The following NOL4 variants were observed in gnomAD, a reference collection of about 807,000 sequenced individuals.
NOL4 encodes the protein cancer/testis antigen 125.
NOL4 carries 17 observed loss-of-function variants against 75.9 expected under a neutral mutation model. That is an observed-to-expected ratio of 0.22 (90% CI 0.15 to 0.34). The LOEUF (loss-of-function observed/expected upper bound fraction) is 0.34. Ranked by LOEUF, NOL4 falls within the 10% of genes least tolerant of loss-of-function variation. NOL4 has a pLI of 1.00. For missense variants in NOL4, 614 were observed against 793.5 expected (o/e 0.77, Z 2.72); for synonymous variants, 292 against 289.9 (o/e 1.01, Z -0.07).
intron 10 of NOL4, among the ~76,000 whole-genome samples, chr18:33,873,025 A>T (rs909865117): frequency 6.6e-6 from 1 of 151,936 alleles, no homozygotes; most frequent in African/African-American, 2.4e-5. Context: ...CTCAGGTTTC[A>T]TTGGACCTCC....
intron 1 of NOL4, among the ~76,000 whole-genome samples, chr18:34,136,569 A>G (rs2048325801): frequency 6.6e-6 from 1 of 152,124 alleles, no homozygotes; most frequent in African/African-American, 2.4e-5. Context: ...GGGAAAAATA[A>G]TTTCTTTTAT....
intron 10 of NOL4, among the ~76,000 whole-genome samples, chr18:33,859,117 A>G (rs937022582): frequency 6.6e-6 from 1 of 151,650 alleles, no homozygotes; most frequent in African/African-American, 2.4e-5. Flanking sequence ...TATTTAATCA[A>G]TTTTTTCACT....
At chr18:34,068,175 T>A (rs970843838) in intron 5 of NOL4, among the ~76,000 whole-genome samples, 5 of 152,158 alleles carry the variant, frequency 3.3e-5, no homozygotes, top group African/African-American at 4.8e-5. Flanking sequence ...GCAGACCTGC[T>A]ACAGAGGGAG....
chr18:33,900,901 T>G (rs2065709627), intron 9 of NOL4, among the ~76,000 whole-genome samples: 1 of 152,192 alleles, frequency 6.6e-6, no homozygotes. Context: ...TGTGTGTGTA[T>G]ATATCTGTTT....
intron 5 of NOL4, among the ~76,000 whole-genome samples, chr18:34,038,049 A>G (rs1244099229): frequency 6.6e-6 from 1 of 152,150 alleles, no homozygotes; most frequent in African/African-American, 2.4e-5. Context: ...CAACAATAAA[A>G]AAACAAATAA....
At chr18:33,915,831 C>T (rs1041830571) in intron 9 of NOL4, among the ~76,000 whole-genome samples, 1 of 152,090 alleles carries the variant, frequency 6.6e-6, no homozygotes, top group Non-Finnish European at 1.5e-5. Flanking sequence ...TCCTGGGAAC[C>T]AGGTAACAAA....
intron 10 of NOL4, among the ~76,000 whole-genome samples, chr18:33,868,957 C>T (rs1411657723): frequency 1.3e-5 from 2 of 151,844 alleles, no homozygotes; most frequent in African/African-American, 2.4e-5. Context: ...TTACAAATTT[C>T]TTAAGGTGCT....
intron 9 of NOL4, among the ~76,000 whole-genome samples, chr18:33,938,315 A>T (rs1349866349): frequency 1.3e-5 from 2 of 150,294 alleles, no homozygotes; most frequent in Non-Finnish European, 3.0e-5. Context: ...AGTTTAATTT[A>T]AAAAAATTAT....
chr18:33,990,567 G>T (rs750172312), intron 6 of NOL4, among the ~76,000 whole-genome samples: 1 of 151,328 alleles, frequency 6.6e-6, no homozygotes, highest in African/African-American at 2.4e-5. Flanking sequence ...TCTAGACATT[G>T]GGCTGCTATA....
At chr18:33,883,201 T>C (rs777173331) in intron 10 of NOL4, 43 bp downstream of exon 10, 7 of 1,456,800 alleles carry the variant, frequency 4.8e-6, no homozygotes, top group Non-Finnish European at 6.5e-6. Flanking sequence ...AAACTTAAAG[T>C]ATAATAATTA....
At chr18:33,902,166 A>T (rs576660232) in intron 9 of NOL4, among the ~76,000 whole-genome samples, 26 of 151,898 alleles carry the variant, frequency 1.7e-4, no homozygotes, top group South Asian at 8.3e-4. Context: ...TTTTTTTTTT[A>T]AAAGGGAATT....
rs368876491 is a variant in NOL4 at position 33,939,252 on chromosome 18, C to A, written c.1542+3813G>T. On this transcript the variant is annotated intron_variant, in intron 9 of 10. Coordinates refer to ENST00000261592, the MANE Select transcript of NOL4 (RefSeq NM_003787.5). ...TCCTTTTTGCTTAGGATTGTCTTAG[C>A]TATATGGGCTCTTTTTTGGTTCCAT... 7.9e-5 allele frequency among the ~76,000 whole-genome samples: 12 copies of A among 152,104 alleles called. No individual in the cohort carries two copies. In the East Asian group the frequency reaches 1.7e-3, roughly 22 times the overall value.
At chr18:34,143,081 G>T (rs1325389183) in intron 1 of NOL4, among the ~76,000 whole-genome samples, 4 of 148,834 alleles carry the variant, frequency 2.7e-5, no homozygotes, top group Non-Finnish European at 6.0e-5. Flanking sequence ...GAAGGGAGGG[G>T]AGGGAAGGGA....
intron 1 of NOL4, among the ~76,000 whole-genome samples, chr18:34,197,522 C>T (rs555363331): frequency 9.9e-5 from 15 of 151,970 alleles, no homozygotes; most frequent in Non-Finnish European, 1.3e-4. Flanking sequence ...AAAATTTAAA[C>T]TCTGCCTGTT....
intron 5 of NOL4, among the ~76,000 whole-genome samples, chr18:34,046,848 G>T (rs2076403188): frequency 1.3e-5 from 2 of 151,270 alleles, no homozygotes; most frequent in South Asian, 4.2e-4. Context: ...TTGTTCTCTG[G>T]GGAGGACAAA....
At chr18:33,856,720 T>A (rs2062854055) in intron 10 of NOL4, among the ~76,000 whole-genome samples, 1 of 152,094 alleles carries the variant, frequency 6.6e-6, no homozygotes. Flanking sequence ...GTAGTAAATA[T>A]TTTAGTCATC....
intron 1 of NOL4, among the ~76,000 whole-genome samples, chr18:34,212,596 TG>T (rs1166298159): frequency 1.3e-5 from 2 of 152,230 alleles, no homozygotes; most frequent in African/African-American, 4.8e-5. Flanking sequence ...CTGGGTCCTC[TG>T]CTCAGGTTCT....
At chr18:34,178,566 CAG>C (rs2146313983) in intron 1 of NOL4, among the ~76,000 whole-genome samples, 1 of 151,650 alleles carries the variant, frequency 6.6e-6, no homozygotes, top group African/African-American at 2.4e-5. Context: ...ATAAAAATAT[CAG>C]ATCAAATATA....
chr18:34,194,896 C>A (rs113067518), intron 1 of NOL4, among the ~76,000 whole-genome samples: 3 of 151,712 alleles, frequency 2.0e-5, no homozygotes, highest in Non-Finnish European at 4.4e-5. Flanking sequence ...TGGTAGTACA[C>A]GCCTGTAATC....
Sources: allele counts gnomAD v4.1 joint callset (sites outside exome capture counted in the v4.1 genomes callset), GRCh38; gene constraint gnomAD v4.1.1; transcripts MANE v1.5; gene names NCBI Gene and HGNC (gene_info 2026-07-23, HGNC 2026-07-21).